The following ZSCAN25 variants were observed in gnomAD, a reference collection of about 807,000 sequenced individuals.
The protein encoded by ZSCAN25 is zinc finger and SCAN domain containing 25, also known as zinc finger and SCAN domain-containing protein 25.
ZSCAN25 carries 27 observed loss-of-function variants against 38.7 expected under a neutral mutation model. The ratio of observed to expected loss-of-function variants is 0.70; its 90% confidence interval spans 0.51 to 0.96. ZSCAN25 has a LOEUF of 0.96. ZSCAN25 is among the 40% of genes least tolerant of loss of function. The pLI, the probability that ZSCAN25 is intolerant of heterozygous loss-of-function variation, is 0.00. For synonymous variants in ZSCAN25, 273 were observed against 277.7 expected, an observed-to-expected ratio of 0.98 and a Z score of 0.17; for missense variants, 637 against 705.9, an observed-to-expected ratio of 0.90 and a Z score of 1.11.
At chr7:99,638,816 A>G in the ZSCAN25 span, 33 of 748,674 alleles carry the variant, frequency 4.4e-5, no homozygotes, top group East Asian at 6.9e-4. Flanking sequence ...GGGTCCCCTC[A>G]GCCAACAACG....
the ZSCAN25 span, among the ~76,000 whole-genome samples, chr7:99,655,949 A>T: frequency 1.3e-5 from 2 of 152,138 alleles, no homozygotes; most frequent in Non-Finnish European, 1.5e-5. Context: ...TACTTTGCTG[A>T]AGTTGTTTAT....
At chr7:99,711,749 CAA>C in the ZSCAN25 span, among the ~76,000 whole-genome samples, 2 of 151,780 alleles carry the variant, frequency 1.3e-5, no homozygotes, top group African/African-American at 4.8e-5. Context: ...GCCTGGGCAA[CAA>C]GAGCGAAAAC....
At chr7:99,685,991 A>G in the ZSCAN25 span, among the ~76,000 whole-genome samples, 2 of 152,160 alleles carry the variant, frequency 1.3e-5, no homozygotes, top group South Asian at 4.1e-4. Context: ...TCCCACATCA[A>G]TACACTTTCA....
At chr7:99,648,606 A>G in the ZSCAN25 span, among the ~76,000 whole-genome samples, 1 of 152,142 alleles carries the variant, frequency 6.6e-6, no homozygotes, top group African/African-American at 2.4e-5. Context: ...TCGTTTAACA[A>G]AATATTTATG....
At chr7:99,638,731 T>A in the ZSCAN25 span, 1 of 1,254,612 alleles carries the variant, frequency 8.0e-7, no homozygotes, top group South Asian at 1.2e-5. Flanking sequence ...CCACATTTCC[T>A]TGTTCCCGAA....
At chr7:99,660,599 G>A in the ZSCAN25 span, 5 of 1,613,976 alleles carry the variant, frequency 3.1e-6, no homozygotes, top group Admixed American at 8.3e-5. Flanking sequence ...ACTGCTGGTG[G>A]TTTCATAGCC....
At chr7:99,721,021 A>C in the ZSCAN25 span, 1 of 153,380 alleles carries the variant, frequency 6.5e-6, no homozygotes, top group African/African-American at 2.4e-5. Flanking sequence ...CCTTCTCCCT[A>C]ATGCTTCTAG....
At chr7:99,731,455 C>T in the ZSCAN25 span, among the ~76,000 whole-genome samples, 8 of 152,284 alleles carry the variant, frequency 5.3e-5, no homozygotes, top group Middle Eastern at 3.4e-3. Flanking sequence ...GGTTCAGGAA[C>T]GAATTCTTCC....
the ZSCAN25 span, chr7:99,722,481 G>C: frequency 9.1e-7 from 1 of 1,100,708 alleles, no homozygotes; most frequent in Non-Finnish European, 1.3e-6. Context: ...ATTTAGAGAT[G>C]TCATAAGAGA....
downstream of ZSCAN25, among the ~76,000 whole-genome samples, chr7:99,636,453 T>A (rs1275197534): frequency 2.0e-5 from 3 of 152,212 alleles, no homozygotes; most frequent in East Asian, 3.8e-4. Flanking sequence ...TCATTTTTTT[T>A]ATAGTCTTAC....
chr7:99,622,598 A>G lies in ZSCAN25; in HGVS notation c.639A>G (p.Arg213=). ...AGPGLPAVNP[R]DQEMAAGFFT... ...CTGGCCTCCCCGCAGTGAATCCCAG[A>G]GACCAAGAGATGGCAGCTGGGTTCT... The change falls in exon 6 of 8, where the codon AGA becomes AGG. Residue 213 remains arginine (R), a synonymous_variant. Transcript: ENST00000394152. 5 of 1,614,188 alleles carry G rather than the reference A, an allele frequency of 3.1e-6. No homozygotes were observed. Among genetic ancestry groups the G allele is most frequent in the Non-Finnish European group, 4.2e-6 (5 of 1,180,030 alleles).
Position 99,623,086 on chromosome 7 carries a change from A to G in ZSCAN25, c.681+446A>G, listed in dbSNP as rs1012306876. ...CTCCCAAAGTGCTGGGATTACAGGCATGAGCCACCGCGCCCAGCCACAGAT... is the reference window on the plus strand; with the variant it reads ...CTCCCAAAGTGCTGGGATTACAGGCGTGAGCCACCGCGCCCAGCCACAGAT... On this transcript the variant is annotated intron_variant, in intron 6 of 7. Coordinates refer to ENST00000394152, the MANE Select transcript of ZSCAN25 (RefSeq NM_145115.3). Among the ~76,000 whole-genome samples the G allele has an allele frequency of 2.6e-5, 4 of 152,180 alleles. No homozygotes were observed. In the East Asian group the frequency reaches 5.8e-4, roughly 22 times the overall value.
At chr7:99,673,203 A>G in the ZSCAN25 span, among the ~76,000 whole-genome samples, 1 of 152,208 alleles carries the variant, frequency 6.6e-6, no homozygotes, top group Admixed American at 6.5e-5. Context: ...TGTATGGGCC[A>G]TGCCAGCTCC....
chr7:99,701,779 T>C, the ZSCAN25 span, among the ~76,000 whole-genome samples: 2 of 152,248 alleles, frequency 1.3e-5, no homozygotes, highest in Admixed American at 1.3e-4. Context: ...TTGCCCATTT[T>C]TTGATTATTA....
Position 99,631,337 on chromosome 7 carries a change from AGATAT to A in ZSCAN25, c.*1318_*1322del, listed in dbSNP as rs1807982193. 1.0e-6 allele frequency: 1 copy of A among 985,150 alleles called. No individual in the cohort carries two copies. The highest frequency in any genetic ancestry group is 1.2e-6 in the Non-Finnish European group (1 of 829,812). 61.0% of individuals were successfully genotyped at this position (985,150 alleles called of 1,614,324 possible). A position where few individuals can be genotyped will look rare whatever the true frequency, so the allele number is the denominator to read the frequency against. ...ATGAGTGCCAAGTCAGGAAAAATAA[AGATAT>A]TTGTAGGCATTAAAAAAAAATACAT... is the stretch of plus-strand genomic sequence containing the variant. On this transcript the variant is annotated 3_prime_UTR_variant, in exon 8 of 8. Coordinates refer to ENST00000394152, the MANE Select transcript of ZSCAN25 (RefSeq NM_145115.3).
the ZSCAN25 span, chr7:99,660,484 G>A: frequency 6.3e-7 from 1 of 1,595,746 alleles, no homozygotes; most frequent in Non-Finnish European, 8.5e-7. Context: ...TCATCTCCAG[G>A]GGTCATCCCC....
At chr7:99,693,211 A>C in the ZSCAN25 span, among the ~76,000 whole-genome samples, 3 of 152,010 alleles carry the variant, frequency 2.0e-5, no homozygotes, top group East Asian at 3.9e-4. Context: ...TTGCCTGGGT[A>C]TTACCTGCAG....
At chr7:99,695,789 G>A in the ZSCAN25 span, 1 of 1,613,732 alleles carries the variant, frequency 6.2e-7, no homozygotes, top group Middle Eastern at 1.7e-4. Flanking sequence ...CAGAGGTGTG[G>A]GCCCTGGAAT....
At chr7:99,664,003 T>C in the ZSCAN25 span, 2 of 1,594,362 alleles carry the variant, frequency 1.3e-6, no homozygotes, top group Non-Finnish European at 1.7e-6. Context: ...TTCTTCATTC[T>C]GTTTACAGAT....
Sources: gnomAD v4.1 joint callset for allele counts (sites outside exome capture counted in the v4.1 genomes callset) on GRCh38, gnomAD v4.1.1 for gene constraint, MANE v1.5 for transcripts, NCBI Gene and HGNC (gene_info 2026-07-23, HGNC 2026-07-21) for gene names.